RBFOX1: variants seen among roughly 807,000 people sequenced by gnomAD.
The protein encoded by RBFOX1 is RNA binding protein fox-1 homolog 1.
RBFOX1 carries 8 observed loss-of-function variants against 57.7 expected under a neutral mutation model. That is an observed-to-expected ratio of 0.14 (90% CI 0.08 to 0.25). RBFOX1 has a LOEUF of 0.25. Ranked by LOEUF, RBFOX1 falls within the 10% of genes least tolerant of loss-of-function variation. The pLI, the probability that RBFOX1 is intolerant of heterozygous loss-of-function variation, is 1.00. For synonymous variants in RBFOX1, 326 were observed against 222.4 expected, an observed-to-expected ratio of 1.47 and a Z score of -4.15; for missense variants, 611 against 548.5, an observed-to-expected ratio of 1.11 and a Z score of -1.14.
At chr16:6,278,990 T>A (rs1218555556) in intron 1 of RBFOX1, among the ~76,000 whole-genome samples, 2 of 152,204 alleles carry the variant, frequency 1.3e-5, no homozygotes, top group African/African-American at 2.4e-5. Context: ...ATTCCTTTGG[T>A]CTAAAATTTT....
intron 1 of RBFOX1, among the ~76,000 whole-genome samples, chr16:5,435,535 T>G (rs1015202163): frequency 6.6e-6 from 1 of 152,152 alleles, no homozygotes; most frequent in African/African-American, 2.4e-5. Flanking sequence ...TCAGTAAACA[T>G]CTTTCTAGTT....
chr16:6,784,439 G>T (rs148135329), intron 3 of RBFOX1, among the ~76,000 whole-genome samples: 1 of 152,084 alleles, frequency 6.6e-6, no homozygotes, highest in South Asian at 2.1e-4. Flanking sequence ...GCATTCTTCA[G>T]CTCTGCAATT....
At chr16:5,841,098 A>G (rs376887112) in intron 3 of RBFOX1, among the ~76,000 whole-genome samples, 1 of 152,176 alleles carries the variant, frequency 6.6e-6, no homozygotes, top group African/African-American at 2.4e-5. Context: ...CGTGGTGAAT[A>G]CTAATGTCGA....
intron 4 of RBFOX1, among the ~76,000 whole-genome samples, chr16:7,178,614 A>C (rs2082114659): frequency 6.6e-6 from 1 of 152,172 alleles, no homozygotes; most frequent in African/African-American, 2.4e-5. Flanking sequence ...TATCTACATA[A>C]GTGAAATCTG....
chr16:7,056,391 A>T (rs1162268030), intron 4 of RBFOX1, among the ~76,000 whole-genome samples: 1 of 152,056 alleles, frequency 6.6e-6, no homozygotes, highest in Non-Finnish European at 1.5e-5. Context: ...TCTTCTGGGG[A>T]CATGGTCAGA....
chr16:7,094,297 T>G (rs560916139), intron 4 of RBFOX1, among the ~76,000 whole-genome samples: 2 of 151,940 alleles, frequency 1.3e-5, no homozygotes, highest in Non-Finnish European at 2.9e-5. Flanking sequence ...CGGGAAGCAA[T>G]AGAGCATTGT....
intron 4 of RBFOX1, among the ~76,000 whole-genome samples, chr16:5,887,250 G>C (rs566751373): frequency 2.0e-5 from 3 of 152,320 alleles, no homozygotes; most frequent in South Asian, 2.1e-4. Flanking sequence ...TGGCAGCACA[G>C]TCAGCATTCG....
At position 6,715,065 on chromosome 16, in the gene RBFOX1, C is replaced by T. The variant is rs532773308; in HGVS notation, c.-16+60415C>T. On this transcript the variant is annotated intron_variant, in intron 3 of 15. Coordinates refer to ENST00000550418, the MANE Select transcript of RBFOX1 (RefSeq NM_018723.4). ...ATCCATATTTGGGATTAGTTTTGTTCCTTCTCCTAAAGTCTGTGTGCGGCA... is the reference window on the plus strand; with the variant it reads ...ATCCATATTTGGGATTAGTTTTGTTTCTTCTCCTAAAGTCTGTGTGCGGCA... 3.3e-5 allele frequency among the ~76,000 whole-genome samples: 5 copies of T among 152,154 alleles called. 1 individual carries two copies. In the South Asian group the frequency reaches 1.0e-3, roughly 32 times the overall value.
At chr16:6,568,003 G>A (rs1365726449) in intron 2 of RBFOX1, among the ~76,000 whole-genome samples, 1 of 152,042 alleles carries the variant, frequency 6.6e-6, no homozygotes, top group Non-Finnish European at 1.5e-5. Flanking sequence ...TAAATTCTTT[G>A]TAGAGGTAGG....
intron 1 of RBFOX1, among the ~76,000 whole-genome samples, chr16:5,377,071 T>C (rs2066004497): frequency 6.6e-6 from 1 of 151,564 alleles, no homozygotes; most frequent in Non-Finnish European, 1.5e-5. Context: ...CCAGAAACCA[T>C]CCAGAGAGTT....
intron 3 of RBFOX1, among the ~76,000 whole-genome samples, chr16:7,019,721 C>G (rs925943520): frequency 6.6e-6 from 1 of 152,188 alleles, no homozygotes; most frequent in Non-Finnish European, 1.5e-5. Flanking sequence ...CTAAAGAGAA[C>G]AAGCTTGGTT....
intron 4 of RBFOX1, among the ~76,000 whole-genome samples, chr16:7,490,437 C>G (rs1462880339): frequency 6.6e-6 from 1 of 152,172 alleles, no homozygotes; most frequent in Non-Finnish European, 1.5e-5. Flanking sequence ...TCTAGTTTCA[C>G]TGTTTATAGT....
At chr16:6,193,427 A>ATATATATATATAT (rs1567651849) in intron 1 of RBFOX1, among the ~76,000 whole-genome samples, 44 of 61,102 alleles carry the variant, frequency 7.2e-4, no homozygotes, top group Non-Finnish European at 1.2e-3. Context: ...TATATATATA[A>ATATATATATATAT]AATTCAGTGA....
At chr16:7,682,735 C>T (rs564826341) in intron 14 of RBFOX1, among the ~76,000 whole-genome samples, 1 of 151,380 alleles carries the variant, frequency 6.6e-6, no homozygotes, top group African/African-American at 2.4e-5. Flanking sequence ...TTAGTTAGAA[C>T]TCCAGGTTGA....
In RBFOX1 at chr16:6,730,171, T is replaced by G. The variant is rs889797540; in HGVS notation, c.-16+75521T>G. Among the ~76,000 whole-genome samples, 3 of 152,092 alleles carry G rather than the reference T, an allele frequency of 2.0e-5. 1 individual carries two copies. In the East Asian group the frequency reaches 5.8e-4, roughly 29 times the overall value. On this transcript the variant is annotated intron_variant, in intron 3 of 15. Coordinates refer to ENST00000550418, the MANE Select transcript of RBFOX1 (RefSeq NM_018723.4). ...AAAAGAAGCCTTAAATAATTATAAC[T>G]CTTTACCCATAAGGAGAAGAGGAGG...
chr16:5,698,677 C>G (rs114023342), intron 3 of RBFOX1, among the ~76,000 whole-genome samples: 2 of 151,988 alleles, frequency 1.3e-5, no homozygotes, highest in African/African-American at 2.4e-5. Flanking sequence ...TTCACCAGGG[C>G]CAAAAGTTGG....
chr16:5,819,086 G>C (rs998873262), intron 3 of RBFOX1, among the ~76,000 whole-genome samples: 1 of 152,012 alleles, frequency 6.6e-6, no homozygotes, highest in Non-Finnish European at 1.5e-5. Context: ...TATTCTGTTT[G>C]AGCCACTATA....
intron 4 of RBFOX1, among the ~76,000 whole-genome samples, chr16:7,292,354 A>G (rs1377540818): frequency 2.2e-5 from 3 of 139,228 alleles, no homozygotes; most frequent in Admixed American, 7.6e-5. Flanking sequence ...ATAATATATA[A>G]TGTATTATGT....
In RBFOX1 at chr16:6,487,673, TAAAAAAAAAAAAAAAA is replaced by T. The variant is rs777856402; in HGVS notation, c.-63-166917_-63-166902del. On this transcript the variant is annotated intron_variant, in intron 2 of 15. Coordinates refer to ENST00000550418, the MANE Select transcript of RBFOX1 (RefSeq NM_018723.4). ...CTTCCAAAGATGGCAGTGATATATG[TAAAAAAAAAAAAAAAA>T]AAAAAAAAAAAATATATATATATAT... 8.8e-3 allele frequency among the ~76,000 whole-genome samples: 339 copies of T among 38,578 alleles called. 1 individual carries two copies. Among genetic ancestry groups the T allele is most frequent in the Middle Eastern group, 0.02 (1 of 50 alleles). The allele number at this position is 38,578 out of a possible 152,430, so 25.3% of individuals were successfully genotyped here.
Sources: gnomAD v4.1 joint callset for allele counts (sites outside exome capture counted in the v4.1 genomes callset) on GRCh38, gnomAD v4.1.1 for gene constraint, MANE v1.5 for transcripts, NCBI Gene and HGNC (gene_info 2026-07-23, HGNC 2026-07-21) for gene names.